The following CACNA2D1 variants were observed in gnomAD, a reference collection of about 807,000 sequenced individuals.
CACNA2D1 encodes voltage-dependent calcium channel subunit alpha-2/delta-1.
A neutral mutation model predicts 171.5 loss-of-function variants in CACNA2D1; 53 were observed. That is an observed-to-expected ratio of 0.31 (90% CI 0.25 to 0.39). CACNA2D1 has a LOEUF of 0.39. Among genes scored for constraint, CACNA2D1 ranks in the 10% least tolerant of loss-of-function variants. CACNA2D1 has a pLI of 1.00. For synonymous variants in CACNA2D1, 442 were observed against 443.1 expected (o/e 1.00, Z 0.03); for missense variants, 903 against 1,299.8 (o/e 0.69, Z 4.69).
chr7:82,009,055 G>C (rs1799446965), intron 15 of CACNA2D1: 1 of 152,150 alleles, frequency 6.6e-6, no homozygotes, highest in Admixed American at 6.6e-5. Context: ...ATCCCCACGT[G>C]TTGTGGGAGA....
intron 38 of CACNA2D1, among the ~76,000 whole-genome samples, chr7:81,958,520 A>G (rs963496641): frequency 2.0e-5 from 3 of 151,950 alleles, no homozygotes; most frequent in African/African-American, 7.3e-5. Context: ...TAAGAATTTT[A>G]AAAGCATAAA....
At chr7:82,037,801 A>G (rs879660) in intron 11 of CACNA2D1, among the ~76,000 whole-genome samples, 1 of 151,998 alleles carries the variant, frequency 6.6e-6, no homozygotes, top group Non-Finnish European at 1.5e-5. Flanking sequence ...TTAAGTTTCA[A>G]GTGCTTATTC....
At chr7:81,955,385 C>T (rs1349297772) in intron 38 of CACNA2D1, among the ~76,000 whole-genome samples, 1 of 152,012 alleles carries the variant, frequency 6.6e-6, no homozygotes, top group African/African-American at 2.4e-5. Context: ...ACTAACATTT[C>T]AGTATTTTTT....
At chr7:82,403,338 T>C (rs1454739948) in intron 1 of CACNA2D1, among the ~76,000 whole-genome samples, 1 of 152,184 alleles carries the variant, frequency 6.6e-6, no homozygotes, top group African/African-American at 2.4e-5. Flanking sequence ...ATTTTTTTGG[T>C]AGCAAAAGAC....
intron 3 of CACNA2D1, among the ~76,000 whole-genome samples, chr7:82,313,676 C>G (rs1271414083): frequency 1.3e-5 from 2 of 152,214 alleles, no homozygotes; most frequent in Non-Finnish European, 2.9e-5. Flanking sequence ...TATGACTTCT[C>G]TGCACATGTG....
At chr7:82,386,267 C>T (rs555496994) in intron 1 of CACNA2D1, among the ~76,000 whole-genome samples, 1 of 152,280 alleles carries the variant, frequency 6.6e-6, no homozygotes, top group East Asian at 1.9e-4. Flanking sequence ...ATTCTCAACT[C>T]TTACTTTGAG....
At chr7:82,432,579 G>T (rs934395630) in intron 1 of CACNA2D1, among the ~76,000 whole-genome samples, 1 of 152,170 alleles carries the variant, frequency 6.6e-6, no homozygotes, top group African/African-American at 2.4e-5. Context: ...GGGCTCAAGC[G>T]ATCTTCCTGC....
chr7:82,171,784 A>G (rs901064401), intron 3 of CACNA2D1, among the ~76,000 whole-genome samples: 10 of 152,148 alleles, frequency 6.6e-5, no homozygotes, highest in African/African-American at 2.4e-4. Flanking sequence ...TAATAAATAT[A>G]CTAAACTCAC....
At position 82,136,649 on chromosome 7, in the gene CACNA2D1, T is replaced by G. The variant is rs1160256594; in HGVS notation, c.382A>C (p.Lys128Gln). 1 of 1,594,220 alleles carries G rather than the reference T, an allele frequency of 6.3e-7. No individual in the cohort carries two copies. Among genetic ancestry groups the G allele is most frequent in the African/African-American group, 1.3e-5 (1 of 74,506 alleles). The change falls in exon 5 of 39, where the codon AAG becomes CAG. Residue 128 changes from lysine (K) to glutamine (Q), a missense_variant. Lys to Gln is a moderately conservative substitution (Grantham distance 53). Transcript: ENST00000356860. Reference protein sequence around the residue: ...ASNEVVYYNAKDDLDPEKNDS... With the variant: ...ASNEVVYYNAQDDLDPEKNDS... ...TTAATACTCACATCGAGATCATCCT[T>G]TGCATTGTAGTAGACAACTTCATTG...
At chr7:82,112,340 C>G (rs1001573311) in intron 6 of CACNA2D1, among the ~76,000 whole-genome samples, 5 of 152,094 alleles carry the variant, frequency 3.3e-5, no homozygotes, top group African/African-American at 7.2e-5. Context: ...CATTATACAC[C>G]AGAACTGAAT....
intron 3 of CACNA2D1, among the ~76,000 whole-genome samples, chr7:82,244,563 T>C (rs1360353219): frequency 1.3e-5 from 2 of 151,592 alleles, no homozygotes; most frequent in African/African-American, 4.8e-5. Flanking sequence ...CAAGTGGAAG[T>C]GAAATAATAT....
At position 82,257,501 on chromosome 7, in the gene CACNA2D1, T is replaced by C. The variant is rs536198579; in HGVS notation, c.294+77634A>G. The stretch of plus-strand genomic sequence containing the variant: ...TACTCGTTTTGATTCAAAGCCAATG[T>C]GGTAATGCCTAAAGTGTGAATTACA... On this transcript the variant is annotated intron_variant, in intron 3 of 38. Coordinates refer to ENST00000356860, the MANE Select transcript of CACNA2D1 (RefSeq NM_000722.4). 3.3e-5 allele frequency among the ~76,000 whole-genome samples: 5 copies of C among 152,344 alleles called. No individual in the cohort carries two copies. The East Asian group carries it at 9.6e-4, about 29-fold the overall frequency.
chr7:81,951,492 C>A (rs1792515090), intron 38 of CACNA2D1, among the ~76,000 whole-genome samples: 1 of 151,994 alleles, frequency 6.6e-6, no homozygotes, highest in South Asian at 2.1e-4. Context: ...TACTTTATCC[C>A]TTACTCCCAT....
chr7:82,215,046 T>C (rs915908420), intron 3 of CACNA2D1, among the ~76,000 whole-genome samples: 12 of 152,168 alleles, frequency 7.9e-5, no homozygotes, highest in Non-Finnish European at 1.8e-4. Flanking sequence ...AACAGAGAAA[T>C]TGACCCTCCT....
At chr7:82,043,841 C>T (rs1045308875) in intron 10 of CACNA2D1, among the ~76,000 whole-genome samples, 1 of 152,112 alleles carries the variant, frequency 6.6e-6, no homozygotes, top group Non-Finnish European at 1.5e-5. Flanking sequence ...ACGGGAAGTG[C>T]CCTTTGTCTG....
intron 3 of CACNA2D1, among the ~76,000 whole-genome samples, chr7:82,260,476 T>A (rs1173444315): frequency 6.6e-6 from 1 of 152,204 alleles, no homozygotes; most frequent in East Asian, 1.9e-4. Flanking sequence ...ATAATGAGCA[T>A]GTAATTCAAG....
At chr7:82,125,395 A>C (rs1365268871) in intron 5 of CACNA2D1, among the ~76,000 whole-genome samples, 1 of 152,172 alleles carries the variant, frequency 6.6e-6, no homozygotes, top group Non-Finnish European at 1.5e-5. Context: ...TCTTCTGAGG[A>C]ATTTGCTTCA....
At chr7:82,417,869 A>G (rs902766280) in intron 1 of CACNA2D1, among the ~76,000 whole-genome samples, 1 of 152,218 alleles carries the variant, frequency 6.6e-6, no homozygotes, top group Non-Finnish European at 1.5e-5. Context: ...GTGAGAATGT[A>G]ACATATTTAC....
chr7:82,103,295 T>C (rs258674), intron 6 of CACNA2D1, among the ~76,000 whole-genome samples: 57,199 of 151,962 alleles, frequency 0.38, 11,100 homozygotes, highest in Non-Finnish European at 0.42. Flanking sequence ...GACTCCATTT[T>C]AAAAAATAAG....
Sources: allele counts gnomAD v4.1 joint callset (sites outside exome capture counted in the v4.1 genomes callset), GRCh38; gene constraint gnomAD v4.1.1; transcripts MANE v1.5; gene names NCBI Gene and HGNC (gene_info 2026-07-23, HGNC 2026-07-21).